Variants in ETV1 observed in about 807,000 individuals in gnomAD.
ETV1 encodes ETS variant transcription factor 1.
ETV1 carries 27 observed loss-of-function variants against 62.3 expected under a neutral mutation model. The ratio of observed to expected loss-of-function variants is 0.43; its 90% confidence interval spans 0.32 to 0.60. ETV1 has a LOEUF of 0.60. ETV1 is among the 20% of genes least tolerant of loss of function. ETV1 has a pLI of 0.06. For synonymous variants in ETV1, 222 were observed against 199.6 expected, an observed-to-expected ratio of 1.11 and a Z score of -0.94; for missense variants, 605 against 605.8, an observed-to-expected ratio of 1.00 and a Z score of 0.01.
Position 13,946,699 on chromosome 7 carries a change from G to T in ETV1, c.236-7453C>A, listed in dbSNP as rs745629243. On this transcript the variant is annotated intron_variant, in intron 6 of 13. Transcript: ENST00000430479. ...GTATACAACTACAGCTTTGGTTGAG[G>T]GTAGATACATAATGTAAAATCACAT... 2.4e-4 allele frequency among the ~76,000 whole-genome samples: 36 copies of T among 152,112 alleles called. 1 individual carries two copies. Among genetic ancestry groups the T allele is most frequent in the Middle Eastern group, 3.2e-3 (1 of 316 alleles).
At chr7:13,977,318 G>A (rs1292801458) in intron 6 of ETV1, 109 bp downstream of exon 6, 7 of 668,134 alleles carry the variant, frequency 1.0e-5, no homozygotes, top group South Asian at 2.0e-5. Context: ...AAAAGGTGCT[G>A]GTACAATGTA....
intron 6 of ETV1, among the ~76,000 whole-genome samples, chr7:13,967,420 G>A (rs187342631): frequency 2.0e-5 from 3 of 152,114 alleles, no homozygotes; most frequent in East Asian, 3.9e-4. Context: ...TTGCACAAAG[G>A]TACTTTTCTG....
rs746999865 is a variant in ETV1 at position 13,895,870 on chromosome 7, T to C, written c.1430A>G (p.Tyr477Cys). Residue 477 changes from tyrosine (Y) to cysteine (C), a missense_variant, in exon 14 of 14, where the codon TAT (tyrosine) becomes TGT (cysteine). By Grantham distance (194) the Tyr-to-Cys change is radical (BLOSUM62 -2). Transcript: ENST00000430479. ...NPHPYNEGYV[Y>C] The stretch of plus-strand genomic sequence containing the variant: ...CCTGCTTGACTGTCACTTGTGTTAA[T>C]ACACGTAGCCTTCGTTGTAGGGGTG... The C allele has an allele frequency of 1.2e-6, 2 of 1,612,572 alleles. No homozygotes were observed. Among genetic ancestry groups the C allele is most frequent in the Non-Finnish European group, 8.5e-7 (1 of 1,179,248 alleles).
intron 8 of ETV1, 23 bp downstream of exon 8, chr7:13,935,685 G>T (rs777985596): frequency 6.2e-7 from 1 of 1,600,076 alleles, no homozygotes; most frequent in Non-Finnish European, 8.6e-7. Context: ...ACAGTTTCTA[G>T]AAAACTGGTA....
chr7:13,986,567 C>G, intron 5 of ETV1, 71 bp downstream of exon 5: 1 of 1,599,350 alleles, frequency 6.3e-7, no homozygotes, highest in Non-Finnish European at 8.5e-7. Context: ...ATTAAGACAG[C>G]AAGTTCAGGA....
Position 13,931,573 on chromosome 7 carries a change from C to G in ETV1, c.731G>C (p.Ser244Thr), listed in dbSNP as rs180893787. Residue 244 changes from serine to threonine, a missense_variant, in exon 9 of 14, where the codon AGT becomes ACT. Ser to Thr is a moderately conservative substitution (Grantham distance 58). Transcript: ENST00000430479. The stretch of plus-strand genomic sequence containing the variant: ...AGGGGGAAAGCTTTGGCTGGCCGCA[C>G]TGCCAACCATGGTGTTGTGTTCATA... ...PVYEHNTMVG[S>T]AASQSFPPPL... The G allele has an allele frequency of 9.9e-6, 16 of 1,614,050 alleles. No homozygotes were observed. Among genetic ancestry groups the G allele is most frequent in the Middle Eastern group, 1.6e-4 (1 of 6,062 alleles).
chr7:13,946,634 G>A (rs540499296), intron 6 of ETV1, among the ~76,000 whole-genome samples: 1 of 152,208 alleles, frequency 6.6e-6, no homozygotes, highest in Middle Eastern at 3.4e-3. Context: ...TTCTACCAGA[G>A]GATAGAAATG....
At chr7:13,959,582 G>A (rs1336502297) in intron 6 of ETV1, among the ~76,000 whole-genome samples, 1 of 151,998 alleles carries the variant, frequency 6.6e-6, no homozygotes, top group Non-Finnish European at 1.5e-5. Context: ...CAAAATGATT[G>A]CTTAAAAATG....
intron 9 of ETV1, among the ~76,000 whole-genome samples, chr7:13,912,838 T>C (rs775927887): frequency 6.6e-6 from 1 of 152,240 alleles, no homozygotes; most frequent in African/African-American, 2.4e-5. Flanking sequence ...CCTTAAGTGA[T>C]ATCAGTTAAT....
intron 6 of ETV1, among the ~76,000 whole-genome samples, chr7:13,963,578 G>C (rs78092701): frequency 6.7e-6 from 1 of 149,614 alleles, no homozygotes; most frequent in Admixed American, 6.7e-5. Flanking sequence ...CGTATATATA[G>C]AGAGAGAAGT....
rs143947960 is a variant in ETV1 at position 13,925,567 on chromosome 7, ATT to A, written c.802+5933_802+5934del. ...CTCTTCTTCAACTATACATTAATTG[ATT>A]TTTTTTTTTTTTTTGAGACAGAGTC... On this transcript the variant is annotated intron_variant, in intron 9 of 13. Transcript: ENST00000430479. Among the ~76,000 whole-genome samples, 877 of 143,082 alleles carry A rather than the reference ATT, an allele frequency of 6.1e-3. 5 individuals carry two copies. Among genetic ancestry groups the A allele is most frequent in the African/African-American group, 0.018 (701 of 39,070 alleles). 93.9% of individuals were successfully genotyped at this position (143,082 alleles called of 152,430 possible).
chr7:13,959,202 C>T (rs913789464), intron 6 of ETV1, among the ~76,000 whole-genome samples: 1 of 152,064 alleles, frequency 6.6e-6, no homozygotes, highest in South Asian at 2.1e-4. Context: ...AGTATCCTCA[C>T]TCTTCAAAGC....
In ETV1 at chr7:13,943,026, T is replaced by TA. The variant is rs1037636672; in HGVS notation, c.236-3781dup. Among the ~76,000 whole-genome samples the TA allele has an allele frequency of 1.4e-4, 22 of 151,842 alleles. 1 individual carries two copies. Among genetic ancestry groups the TA allele is most frequent in the Middle Eastern group, 6.8e-3 (2 of 292 alleles). On this transcript the variant is annotated intron_variant, in intron 6 of 13. Transcript: ENST00000430479. ...AGAACACTTTTTCAAAAGACACTGT[T>TA]AAAAAAAAGGAAAGTAAGTCACAAG...
intron 13 of ETV1, 64 bp from the exon 14 acceptor site, chr7:13,896,151 G>GA: frequency 7.1e-7 from 1 of 1,408,916 alleles, no homozygotes; most frequent in Non-Finnish European, 9.8e-7. Context: ...GGACAGGAAG[G>GA]AAAAAGCCAA....
chr7:13,919,025 A>T (rs1421178556), intron 9 of ETV1, among the ~76,000 whole-genome samples: 4 of 152,158 alleles, frequency 2.6e-5, no homozygotes, highest in African/African-American at 9.7e-5. Context: ...ATGGCATCTT[A>T]ATAAAGGACT....
chr7:13,960,338 T>C (rs996031494), intron 6 of ETV1, among the ~76,000 whole-genome samples: 8 of 152,150 alleles, frequency 5.3e-5, no homozygotes, highest in Non-Finnish European at 1.0e-4. Flanking sequence ...TCCTCTGCCC[T>C]AAAAACAGTA....
At chr7:13,926,149 A>G (rs569441335) in intron 9 of ETV1, among the ~76,000 whole-genome samples, 15 of 152,258 alleles carry the variant, frequency 9.9e-5, no homozygotes, top group African/African-American at 3.6e-4. Flanking sequence ...CCGTTCACCT[A>G]TTATATATTT....
intron 9 of ETV1, among the ~76,000 whole-genome samples, chr7:13,923,038 T>A (rs1471627926): frequency 6.6e-6 from 1 of 152,230 alleles, no homozygotes; most frequent in Non-Finnish European, 1.5e-5. Flanking sequence ...AGTAATAGTT[T>A]AGAAATAAAT....
Position 13,906,529 on chromosome 7 carries a change from G to C in ETV1, c.1011C>G (p.Leu337=). 6.2e-7 allele frequency: 1 copy of C among 1,612,376 alleles called. No homozygotes were observed. The highest frequency in any genetic ancestry group is 8.5e-7 in the Non-Finnish European group (1 of 1,179,168). The part of the protein sequence containing the change: ...PTYQRRGSLQ[L]WQFLVALLDD... Reference sequence around the variant, plus strand: ...CCAGAAGAGCTACCAAAAACTGCCAGAGCTGAAGTGATCCTCGCCGTTGGT... The same window carrying C: ...CCAGAAGAGCTACCAAAAACTGCCACAGCTGAAGTGATCCTCGCCGTTGGT... The change falls in exon 12 of 14, where the codon CTC becomes CTG. Residue 337 remains leucine (L), a synonymous_variant. Coordinates refer to ENST00000430479, the MANE Select transcript of ETV1 (RefSeq NM_004956.5).
Sources: gnomAD v4.1 joint callset for allele counts (sites outside exome capture counted in the v4.1 genomes callset) on GRCh38, gnomAD v4.1.1 for gene constraint, MANE v1.5 for transcripts, NCBI Gene and HGNC (gene_info 2026-07-23, HGNC 2026-07-21) for gene names.